The following TPD52L2 variants were observed in gnomAD, a reference collection of about 807,000 sequenced individuals.
The protein encoded by TPD52L2 is tumor protein D54.
TPD52L2 carries 19 observed loss-of-function variants against 24.7 expected under a neutral mutation model. That is an observed-to-expected ratio of 0.77 (90% CI 0.54 to 1.13). The LOEUF (loss-of-function observed/expected upper bound fraction) is 1.13. Ranked by LOEUF, TPD52L2 falls within the 50% of genes most tolerant of loss-of-function variation. The pLI is 0.00. For missense variants in TPD52L2, 236 were observed against 250.4 expected (o/e 0.94, Z 0.39); for synonymous variants, 104 against 100.2 (o/e 1.04, Z -0.23).
At chr20:63,886,265 TC>T (rs1289021405) in intron 5 of TPD52L2, among the ~76,000 whole-genome samples, 1 of 151,762 alleles carries the variant, frequency 6.6e-6, no homozygotes, top group East Asian at 1.9e-4. Flanking sequence ...CCCTTCTGTG[TC>T]CCCTCCTCGT....
At chr20:63,884,344 T>G (rs1043953073) in intron 5 of TPD52L2, among the ~76,000 whole-genome samples, 2 of 152,186 alleles carry the variant, frequency 1.3e-5, no homozygotes, top group Non-Finnish European at 1.5e-5. Context: ...CCACAGAGCA[T>G]CTTCAGGAAG....
rs1334542508 is a variant in TPD52L2 at position 63,882,730 on chromosome 20, C to G, written c.386C>G (p.Thr129Ser). 1.2e-6 allele frequency: 2 copies of G among 1,613,986 alleles called. No homozygotes were observed. The highest frequency in any genetic ancestry group is 1.7e-6 in the Non-Finnish European group (2 of 1,179,962). ...KVTQSDLYKK[T>S]QETLSQAGQK... Reference sequence around the variant, plus strand: ...GGTGTGTCTTCCAGCTACAAGAAGACTCAGGAAACTCTTTCACAGGCAGGA... The same window carrying G: ...GGTGTGTCTTCCAGCTACAAGAAGAGTCAGGAAACTCTTTCACAGGCAGGA... Residue 129 changes from threonine to serine, a missense_variant, in exon 5 of 7, where the codon ACT becomes AGT. By Grantham distance (58) the Thr-to-Ser change is moderately conservative. Transcript: ENST00000346249.
chr20:63,868,164 C>T (rs1378977800), intron 1 of TPD52L2, among the ~76,000 whole-genome samples: 1 of 152,158 alleles, frequency 6.6e-6, no homozygotes, highest in African/African-American at 2.4e-5. Context: ...CCACCTGCCT[C>T]GGCCTCCAAA....
intron 4 of TPD52L2, among the ~76,000 whole-genome samples, chr20:63,878,499 CAG>C (rs560476522): frequency 6.6e-6 from 1 of 152,202 alleles, no homozygotes; most frequent in Non-Finnish European, 1.5e-5. Context: ...ATCAACCAAA[CAG>C]GGAGGTGGGA....
At chr20:63,875,070 A>T (rs2052615879) in intron 3 of TPD52L2, among the ~76,000 whole-genome samples, 1 of 151,154 alleles carries the variant, frequency 6.6e-6, no homozygotes, top group Admixed American at 6.6e-5. Flanking sequence ...TTAACCCGGG[A>T]GGCGGAGGTT....
At chr20:63,875,736 C>G in intron 3 of TPD52L2, 80 bp from the exon 4 acceptor site, 1 of 1,453,092 alleles carries the variant, frequency 6.9e-7, no homozygotes, top group South Asian at 1.2e-5. Context: ...TCTCTGTCTT[C>G]CCTGGAACTT....
chr20:63,889,103 T>C (rs2053236792), intron 5 of TPD52L2, 87 bp from the exon 6 acceptor site: 2 of 1,153,886 alleles, frequency 1.7e-6, no homozygotes, highest in African/African-American at 1.5e-5. Context: ...CTTTGGAGGC[T>C]GGCCCTAACC....
In TPD52L2 at chr20:63,877,250, C is replaced by A. The variant is rs1400768543; in HGVS notation, c.374+1375C>A. On this transcript the variant is annotated intron_variant, in intron 4 of 6. Coordinates refer to ENST00000346249, the MANE Select transcript of TPD52L2 (RefSeq NM_003288.4). The surrounding 1 kb of genome is among the most constrained non-coding windows in gnomAD (Gnocchi z 4.1). ...CCATGTCAGCCAGGATGGTCTCAATCTCCTGACCTCGTGATCCGCCTGCCT... is the reference window on the plus strand; with the variant it reads ...CCATGTCAGCCAGGATGGTCTCAATATCCTGACCTCGTGATCCGCCTGCCT... 1 of 327,628 alleles carries A rather than the reference C, an allele frequency of 3.1e-6. No homozygotes were observed. Among genetic ancestry groups the A allele is most frequent in the Admixed American group, 4.7e-5 (1 of 21,284 alleles). 20.3% of individuals were successfully genotyped at this position (327,628 alleles called of 1,614,324 possible).
chr20:63,887,915 A>G (rs1481788207), intron 5 of TPD52L2: 1 of 472,610 alleles, frequency 2.1e-6, no homozygotes. Context: ...GGGCTCGCAC[A>G]CAGATCCTGG....
chr20:63,869,420 G>A lies in TPD52L2; in HGVS notation c.144G>A (p.Glu48=), dbSNP rs1003666932. Residue 48 remains glutamate (E), a synonymous_variant, in exon 2 of 7, where the codon GAG becomes GAA. Transcript: ENST00000346249. The part of the protein sequence containing the change: ...VEGLTEAEEE[E]LRAELTKVEE... ...GTCTGACAGAGGCTGAGGAGGAGGA[G>A]CTCAGGGCTGAGCTTACCAAGGTGC... is the stretch of plus-strand genomic sequence containing the variant. The A allele has an allele frequency of 6.2e-7, 1 of 1,614,204 alleles. No individual in the cohort carries two copies. Among genetic ancestry groups the A allele is most frequent in the Non-Finnish European group, 8.5e-7 (1 of 1,180,040 alleles).
intron 6 of TPD52L2, 126 bp from the exon 7 acceptor site, chr20:63,889,724 C>T (rs2053263131): frequency 1.1e-6 from 1 of 894,220 alleles, no homozygotes; most frequent in Middle Eastern, 2.3e-4. Flanking sequence ...GATTTGCTCC[C>T]TGTCCCTGCT....
intron 2 of TPD52L2, 40 bp from the exon 3 acceptor site, chr20:63,873,628 C>T (rs1304544479): frequency 6.2e-7 from 1 of 1,604,278 alleles, no homozygotes; most frequent in Non-Finnish European, 8.5e-7. Flanking sequence ...TCACTTCCTG[C>T]AGTAGTGATG....
Position 63,877,251 on chromosome 20 carries a change from T to C in TPD52L2, c.374+1376T>C. On this transcript the variant is annotated intron_variant, in intron 4 of 6. Transcript: ENST00000346249. This position sits in a 1 kb window ranked among gnomAD's most constrained non-coding sequence, Gnocchi z 4.1. ...CATGTCAGCCAGGATGGTCTCAATC[T>C]CCTGACCTCGTGATCCGCCTGCCTC... The C allele has an allele frequency of 3.1e-6, 1 of 321,540 alleles. No homozygotes were observed. Among genetic ancestry groups the C allele is most frequent in the Non-Finnish European group, 6.0e-6 (1 of 165,616 alleles). The allele number at this position is 321,540 out of a possible 1,614,324, so 19.9% of individuals were successfully genotyped here.
chr20:63,877,456 G>A lies in TPD52L2; in HGVS notation c.374+1581G>A, dbSNP rs539776349. On this transcript the variant is annotated intron_variant, in intron 4 of 6. Transcript: ENST00000346249. This position sits in a 1 kb window ranked among gnomAD's most constrained non-coding sequence, Gnocchi z 4.1. ...TGACAGGCGTGACCCACTGCACCCG[G>A]CTTGAGCAGGGTGTTCTAGGGACCC... Among the ~76,000 whole-genome samples, 9 of 152,300 alleles carry A rather than the reference G, an allele frequency of 5.9e-5. No individual in the cohort carries two copies. Among genetic ancestry groups the A allele is most frequent in the Middle Eastern group, 3.4e-3 (1 of 294 alleles).
At chr20:63,886,626 A>G (rs73624770) in intron 5 of TPD52L2, among the ~76,000 whole-genome samples, 108 of 131,048 alleles carry the variant, frequency 8.2e-4, no homozygotes, top group Middle Eastern at 0.012. Context: ...TGGGATTACA[A>G]GCGTGAGCCA....
At chr20:63,867,113 C>T (rs2052279578) in intron 1 of TPD52L2, among the ~76,000 whole-genome samples, 1 of 152,144 alleles carries the variant, frequency 6.6e-6, no homozygotes, top group Non-Finnish European at 1.5e-5. Flanking sequence ...GCCACCATGC[C>T]CGGCTAATTT....
intron 4 of TPD52L2, among the ~76,000 whole-genome samples, chr20:63,881,553 G>A (rs2052899708): frequency 6.6e-6 from 1 of 152,152 alleles, no homozygotes; most frequent in African/African-American, 2.4e-5. Context: ...GAGGGCCTGT[G>A]AGTAAGGGCT....
chr20:63,888,972 G>A (rs761615905), intron 5 of TPD52L2: 3 of 603,996 alleles, frequency 5.0e-6, no homozygotes, highest in Non-Finnish European at 3.0e-6. Flanking sequence ...CTTGTGTGAC[G>A]TCTGGACCTG....
At chr20:63,880,522 C>T (rs182933632) in intron 4 of TPD52L2, among the ~76,000 whole-genome samples, 11 of 152,372 alleles carry the variant, frequency 7.2e-5, no homozygotes, top group Admixed American at 3.9e-4. Context: ...TTTGCTTCAG[C>T]GAACCACAGA....
Sources: allele counts gnomAD v4.1 joint callset (sites outside exome capture counted in the v4.1 genomes callset), GRCh38; gene constraint gnomAD v4.1.1; non-coding constraint Gnocchi (gnomAD v3.1); transcripts MANE v1.5; gene names NCBI Gene and HGNC (gene_info 2026-07-23, HGNC 2026-07-21).